RFPL1: variants seen among roughly 807,000 people sequenced by gnomAD.
RFPL1 encodes the protein ret finger protein like 1.
RFPL1 carries 6 observed loss-of-function variants against 9.6 expected under a neutral mutation model. That is an observed-to-expected ratio of 0.62 (90% CI 0.34 to 1.23). RFPL1 has a LOEUF of 1.23. Among genes scored for constraint, RFPL1 ranks in the 50% most tolerant of loss-of-function variants. RFPL1 has a pLI of 0.03. For synonymous variants in RFPL1, 145 were observed against 149.4 expected, an observed-to-expected ratio of 0.97 and a Z score of 0.22; for missense variants, 352 against 398.4, an observed-to-expected ratio of 0.88 and a Z score of 0.99.
upstream of RFPL1, among the ~76,000 whole-genome samples, chr22:29,435,234 C>T (rs779266751): frequency 5.5e-4 from 84 of 152,234 alleles, 2 homozygotes; most frequent in Non-Finnish European, 2.6e-4. Flanking sequence ...CCTCCCACAC[C>T]TGTCCGAGTG....
At chr22:29,410,473 GAT>G in the RFPL1 span, among the ~76,000 whole-genome samples, 11 of 82,840 alleles carry the variant, frequency 1.3e-4, no homozygotes, top group East Asian at 7.0e-4. Context: ...TCTATATATA[GAT>G]ATATATATTG....
the RFPL1 span, among the ~76,000 whole-genome samples, chr22:29,410,303 T>TATCTATATATATATATGTAGATATATAG: frequency 2.0e-5 from 2 of 101,610 alleles, no homozygotes; most frequent in African/African-American, 1.0e-4. Flanking sequence ...TGTAGATATA[T>TATCTATATATATATATGTAGATATATAG]ATCTATATAT....
At chr22:29,431,802 T>C in the RFPL1 span, among the ~76,000 whole-genome samples, 13 of 152,052 alleles carry the variant, frequency 8.5e-5, no homozygotes, top group Non-Finnish European at 1.5e-4. Context: ...GTGATTCTCC[T>C]GCCTCAGCCT....
chr22:29,408,979 G>A, the RFPL1 span, among the ~76,000 whole-genome samples: 1 of 151,838 alleles, frequency 6.6e-6, no homozygotes, highest in Non-Finnish European at 1.5e-5. Context: ...TTTGCCAACA[G>A]AACCCAGCAT....
At chr22:29,396,897 CTTTTTTTTTTTTTTT>C in the RFPL1 span, among the ~76,000 whole-genome samples, 7 of 72,586 alleles carry the variant, frequency 9.6e-5, no homozygotes, top group Admixed American at 8.9e-4. Context: ...CCTGAAACTT[CTTTTTTTTTTTTTTT>C]TTTTTTTTTT....
chr22:29,414,225 A>ACCTTTTTTC, the RFPL1 span, among the ~76,000 whole-genome samples: 1 of 129,310 alleles, frequency 7.7e-6, no homozygotes, highest in Non-Finnish European at 1.6e-5. Flanking sequence ...TGCACCCCCA[A>ACCTTTTTTC]TTTTTTCTTT....
chr22:29,437,084 G>A (rs2062812061), upstream of RFPL1: 1 of 151,896 alleles, frequency 6.6e-6, no homozygotes, highest in African/African-American at 2.4e-5. Context: ...TTTAAATTGT[G>A]ACTTTTATCT....
the RFPL1 span, among the ~76,000 whole-genome samples, chr22:29,387,922 GTGTCTCCATTCAGTTAAC>G: frequency 6.6e-6 from 1 of 152,194 alleles, no homozygotes; most frequent in South Asian, 2.1e-4. Flanking sequence ...ATTATCACCG[GTGTCTCCATTCAGTTAAC>G]TTGTCTTAGA....
At chr22:29,417,620 C>T in the RFPL1 span, among the ~76,000 whole-genome samples, 57 of 150,846 alleles carry the variant, frequency 3.8e-4, no homozygotes, top group Admixed American at 2.7e-3. Flanking sequence ...TAGGCAGTCA[C>T]TTTATGTTTT....
chr22:29,410,781 T>C, the RFPL1 span, among the ~76,000 whole-genome samples: 1 of 150,992 alleles, frequency 6.6e-6, no homozygotes, highest in East Asian at 1.9e-4. Flanking sequence ...GCATCCCGAG[T>C]AGCTGGGATT....
At chr22:29,440,224 C>A (rs529383056) in intron 1 of RFPL1, 1 of 152,322 alleles carries the variant, frequency 6.6e-6, no homozygotes, top group East Asian at 1.9e-4. Flanking sequence ...ATTCACCCTG[C>A]CTAAGTCATG....
At chr22:29,421,341 T>C in the RFPL1 span, among the ~76,000 whole-genome samples, 1 of 152,052 alleles carries the variant, frequency 6.6e-6, no homozygotes, top group Admixed American at 6.5e-5. Context: ...TCCCAGCTAC[T>C]TGGGAGAATT....
the RFPL1 span, among the ~76,000 whole-genome samples, chr22:29,409,212 C>T: frequency 6.6e-6 from 1 of 152,088 alleles, no homozygotes; most frequent in Admixed American, 6.6e-5. Context: ...TTTATTCCCC[C>T]CTCAAAGAAA....
the RFPL1 span, among the ~76,000 whole-genome samples, chr22:29,416,493 T>TATG: frequency 1.3e-5 from 2 of 152,314 alleles, no homozygotes; most frequent in East Asian, 1.9e-4. Flanking sequence ...CCAGGGCCTT[T>TATG]ATAACTGAAT....
chr22:29,427,186 G>C, the RFPL1 span, among the ~76,000 whole-genome samples: 4 of 152,372 alleles, frequency 2.6e-5, no homozygotes, highest in South Asian at 8.3e-4. Flanking sequence ...AACACTGAGG[G>C]GGGGCCTGAC....
chr22:29,414,207 A>G, the RFPL1 span, among the ~76,000 whole-genome samples: 1 of 39,074 alleles, frequency 2.6e-5, no homozygotes, highest in Non-Finnish European at 4.1e-5. Flanking sequence ...TCCATATAAC[A>G]TTCCTTTTGC....
At chr22:29,405,831 C>T in the RFPL1 span, among the ~76,000 whole-genome samples, 16 of 152,154 alleles carry the variant, frequency 1.1e-4, no homozygotes, top group Admixed American at 6.5e-4. Flanking sequence ...ACATCTCGGC[C>T]GGGCGCGGTG....
chr22:29,399,213 T>C, the RFPL1 span, among the ~76,000 whole-genome samples: 3 of 151,734 alleles, frequency 2.0e-5, no homozygotes, highest in Non-Finnish European at 2.9e-5. Context: ...GCACCTGTCA[T>C]AGAAGGATAG....
chr22:29,419,559 C>T, the RFPL1 span, among the ~76,000 whole-genome samples: 1 of 152,050 alleles, frequency 6.6e-6, no homozygotes, highest in African/African-American at 2.4e-5. Flanking sequence ...AATCCCAGCG[C>T]TTTGGGAGGT....
Sources: allele counts gnomAD v4.1 joint callset (sites outside exome capture counted in the v4.1 genomes callset), GRCh38; gene constraint gnomAD v4.1.1; transcripts MANE v1.5; gene names NCBI Gene and HGNC (gene_info 2026-07-23, HGNC 2026-07-21).